MCUB: variants seen among roughly 807,000 people sequenced by gnomAD.
MCUB encodes mitochondrial calcium uniporter dominant negative subunit beta, also known as calcium uniporter regulatory subunit MCUb, mitochondrial.
In MCUB, 46 loss-of-function variants were observed where a neutral mutation model predicts 41.4. That is an observed-to-expected ratio of 1.11 (90% CI 0.88 to 1.42). The LOEUF (loss-of-function observed/expected upper bound fraction) is 1.42. Ranked by LOEUF, MCUB falls within the 40% of genes most tolerant of loss-of-function variation. MCUB has a pLI of 0.00. For synonymous variants in MCUB, 148 were observed against 148.2 expected (o/e 1.00, Z 0.01); for missense variants, 403 against 404.9 (o/e 1.00, Z 0.04).
At chr4:109,666,990 A>T (rs1310468977) in intron 4 of MCUB, among the ~76,000 whole-genome samples, 29 of 152,036 alleles carry the variant, frequency 1.9e-4, no homozygotes, top group Admixed American at 1.9e-3. Context: ...TTTATTTGCT[A>T]TTATTTTGCT....
At chr4:109,566,198 A>G (rs748259353) in intron 1 of MCUB, among the ~76,000 whole-genome samples, 2 of 143,852 alleles carry the variant, frequency 1.4e-5, no homozygotes, top group Non-Finnish European at 3.0e-5. Flanking sequence ...GGCCGGGCAC[A>G]GTGGCTCACG....
chr4:109,653,094 A>G (rs1250512550), intron 1 of MCUB, among the ~76,000 whole-genome samples: 1 of 152,216 alleles, frequency 6.6e-6, no homozygotes, highest in Non-Finnish European at 1.5e-5. Context: ...AAGAACGGTC[A>G]GGCTGGGTGT....
At chr4:109,684,382 T>C in intron 5 of MCUB, 61 bp from the exon 6 acceptor site, 2 of 1,379,672 alleles carry the variant, frequency 1.4e-6, no homozygotes, top group African/African-American at 1.4e-5. Flanking sequence ...TTCATCTTGC[T>C]TTTTGTCCCT....
chr4:109,611,358 A>C (rs1458503944), intron 1 of MCUB, among the ~76,000 whole-genome samples: 1 of 152,244 alleles, frequency 6.6e-6, no homozygotes, highest in Non-Finnish European at 1.5e-5. Flanking sequence ...TAGAGCAGTT[A>C]AGTAGACAAA....
intron 1 of MCUB, among the ~76,000 whole-genome samples, chr4:109,654,340 G>A (rs1043946121): frequency 3.3e-5 from 5 of 152,114 alleles, no homozygotes; most frequent in African/African-American, 4.8e-5. Context: ...GCCAGGTGTG[G>A]TGGCTCACGC....
intron 4 of MCUB, among the ~76,000 whole-genome samples, chr4:109,677,135 A>C (rs1729591532): frequency 1.3e-5 from 2 of 152,308 alleles, no homozygotes; most frequent in African/African-American, 4.8e-5. Flanking sequence ...GATTGTTCTG[A>C]AGTTTTAAGA....
At chr4:109,655,327 C>G (rs75720392) in intron 1 of MCUB, among the ~76,000 whole-genome samples, 4,983 of 152,260 alleles carry the variant, frequency 0.033, 275 homozygotes, top group African/African-American at 0.11. Context: ...TTCGCTGAAC[C>G]TCATTGTTTA....
chr4:109,667,609 A>T (rs2126146658), intron 4 of MCUB, among the ~76,000 whole-genome samples: 1 of 150,956 alleles, frequency 6.6e-6, no homozygotes, highest in East Asian at 1.9e-4. Context: ...TTTATAATAT[A>T]GAATAGAATA....
At chr4:109,653,968 A>G (rs769267881) in intron 1 of MCUB, among the ~76,000 whole-genome samples, 6 of 152,172 alleles carry the variant, frequency 3.9e-5, no homozygotes, top group Non-Finnish European at 8.8e-5. Flanking sequence ...TATTTCTACC[A>G]ACTTTAGTAT....
chr4:109,585,979 T>G (rs956068796), intron 1 of MCUB, among the ~76,000 whole-genome samples: 1 of 152,220 alleles, frequency 6.6e-6, no homozygotes, highest in African/African-American at 2.4e-5. Context: ...TTCCTGAATT[T>G]GAATGTTGTC....
At chr4:109,560,516 A>G in intron 1 of MCUB, 80 bp downstream of exon 1, 1 of 679,610 alleles carries the variant, frequency 1.5e-6, no homozygotes, top group Non-Finnish European at 2.1e-6. Flanking sequence ...CGGGAGCAAA[A>G]GCCGAGCGGC....
intron 3 of MCUB, 73 bp downstream of exon 3, chr4:109,660,438 C>G: frequency 2.6e-6 from 2 of 766,114 alleles, no homozygotes; most frequent in Non-Finnish European, 4.2e-6. Context: ...TGGTTCTTTA[C>G]TTTTCTAGAA....
In MCUB at chr4:109,634,616, G is replaced by A. The variant is rs909418897; in HGVS notation, c.100-24395G>A. On this transcript the variant is annotated intron_variant, in intron 1 of 7. Coordinates refer to ENST00000394650, the MANE Select transcript of MCUB (RefSeq NM_017918.5). ...CCTCTTTTTCAAATTTATATGAATG[G>A]AATCTCATATACTCTTTTGTGTCTG... Among the ~76,000 whole-genome samples, 22 of 152,196 alleles carry A rather than the reference G, an allele frequency of 1.4e-4. No homozygotes were observed. The East Asian group carries it at 1.7e-3, about 12-fold the overall frequency.
At chr4:109,612,340 C>T (rs141187382) in intron 1 of MCUB, among the ~76,000 whole-genome samples, 2,668 of 147,732 alleles carry the variant, frequency 0.018, 60 homozygotes, top group South Asian at 0.071. Context: ...GATCCCGGCT[C>T]GCTGCAACCA....
chr4:109,560,323 GCCT>G lies in MCUB; in HGVS notation c.-14_-12del. 8.1e-7 allele frequency: 1 copy of G among 1,229,276 alleles called. No homozygotes were observed. The highest frequency in any genetic ancestry group is 3.3e-5 in the South Asian group (1 of 30,452). The allele number at this position is 1,229,276 out of a possible 1,614,324, so 76.1% of individuals were successfully genotyped here. ...CCGCTGACGCCTGCGGGAGCCGCGC[GCCT>G]GGGGCGGGAGGATGCTCCAGAGGGG... is the stretch of plus-strand genomic sequence containing the variant. On this transcript the variant is annotated 5_prime_UTR_variant, in exon 1 of 8. Transcript: ENST00000394650.
intron 1 of MCUB, among the ~76,000 whole-genome samples, chr4:109,578,737 C>T (rs1028338050): frequency 2.6e-5 from 4 of 152,064 alleles, no homozygotes; most frequent in East Asian, 1.9e-4. Flanking sequence ...GAACTCCTGG[C>T]GCAAGTGCTT....
At chr4:109,672,290 C>A (rs757967432) in intron 4 of MCUB, among the ~76,000 whole-genome samples, 1 of 152,098 alleles carries the variant, frequency 6.6e-6, no homozygotes, top group Admixed American at 6.5e-5. Flanking sequence ...GTTATTTTTC[C>A]TTCCCTCCTG....
At chr4:109,621,034 G>T (rs761288183) in intron 1 of MCUB, among the ~76,000 whole-genome samples, 1 of 152,008 alleles carries the variant, frequency 6.6e-6, no homozygotes, top group Non-Finnish European at 1.5e-5. Context: ...GAGTAGCTGG[G>T]ATTATAGGTG....
At chr4:109,651,513 C>T (rs1472161352) in intron 1 of MCUB, among the ~76,000 whole-genome samples, 1 of 152,128 alleles carries the variant, frequency 6.6e-6, no homozygotes, top group Non-Finnish European at 1.5e-5. Context: ...AGAGAATATA[C>T]ATATACATAT....
Sources: allele counts gnomAD v4.1 joint callset (sites outside exome capture counted in the v4.1 genomes callset), GRCh38; gene constraint gnomAD v4.1.1; transcripts MANE v1.5; gene names NCBI Gene and HGNC (gene_info 2026-07-23, HGNC 2026-07-21).